The following SYNC variants were observed in gnomAD, a reference collection of about 807,000 sequenced individuals.
The protein encoded by SYNC is syncoilin, intermediate filament protein, also known as syncoilin.
SYNC carries 38 observed loss-of-function variants against 49.5 expected under a neutral mutation model. The ratio of observed to expected loss-of-function variants is 0.77; its 90% CI spans 0.59 to 1.01. SYNC has a LOEUF of 1.01. Among genes scored for constraint, SYNC ranks in the 50% least tolerant of loss-of-function variants. The pLI, the probability that SYNC is intolerant of heterozygous loss-of-function variation, is 0.00. For missense variants in SYNC, 579 were observed against 580.6 expected (o/e 1.00, Z 0.03); for synonymous variants, 201 against 230.8 (o/e 0.87, Z 1.17).
intron 2 of SYNC, among the ~76,000 whole-genome samples, chr1:32,686,642 G>A (rs988231727): frequency 6.6e-6 from 1 of 152,182 alleles, no homozygotes; most frequent in African/African-American, 2.4e-5. Context: ...TAAAGGATGA[G>A]TAAAGAGTTA....
chr1:32,688,674 C>T (rs1409593154), intron 2 of SYNC, among the ~76,000 whole-genome samples: 1 of 150,562 alleles, frequency 6.6e-6, no homozygotes, highest in Admixed American at 6.6e-5. Context: ...TCAACCTCCA[C>T]CTTGCGGGTT....
Position 32,684,288 on chromosome 1 carries a change from A to G in SYNC, c.1328T>C (p.Leu443Pro), listed in dbSNP as rs777005023. The G allele has an allele frequency of 5.0e-6, 8 of 1,614,190 alleles. No homozygotes were observed. In the South Asian group the frequency reaches 8.8e-5, roughly 18 times the overall value. Reference sequence around the variant, plus strand: ...AGTAGAGAGCTCTTCAGCAAGACTGAGCCTTAGCTGTTCCATCTCTTTGTT... The same window carrying G: ...AGTAGAGAGCTCTTCAGCAAGACTGGGCCTTAGCTGTTCCATCTCTTTGTT... ...QKNKEMEQLR[L>P]SLAEELSTYK... Residue 443 changes from leucine to proline, a missense_variant, in exon 3 of 5, where the codon CTC becomes CCC. Transcript: ENST00000409190.
chr1:32,703,126 C>G (rs1650735781), upstream of SYNC: 1 of 152,156 alleles, frequency 6.6e-6, no homozygotes, highest in Non-Finnish European at 1.5e-5. Flanking sequence ...TCCGCTGCCG[C>G]TCAGCGCCCT....
chr1:32,681,559 AG>A lies in SYNC; in HGVS notation c.*290del, dbSNP rs1649437875. ...TCATCCTTCACTCAGTGCATATGTGAGGGTTGTTGCTGGAAGACAGGAGGCT... is the reference window on the plus strand; with the variant it reads ...TCATCCTTCACTCAGTGCATATGTGAGGTTGTTGCTGGAAGACAGGAGGCT... On this transcript the variant is annotated 3_prime_UTR_variant, in exon 5 of 5. Coordinates refer to ENST00000409190, the MANE Select transcript of SYNC (RefSeq NM_030786.3). 5 of 544,444 alleles carry A rather than the reference AG, an allele frequency of 9.2e-6. No individual in the cohort carries two copies. Among genetic ancestry groups the A allele is most frequent in the South Asian group, 9.0e-5 (4 of 44,420 alleles). The allele number at this position is 544,444 out of a possible 1,614,324, so 33.7% of individuals were successfully genotyped here.
rs1649630646 is a variant in SYNC, at chr1:32,683,998, C to T, written c.1438+12G>A. 1.2e-6 allele frequency: 2 copies of T among 1,612,390 alleles called. No individual in the cohort carries two copies. Among genetic ancestry groups the T allele is most frequent in the African/African-American group, 1.3e-5 (1 of 74,888 alleles). ...ACAATGCAAACACCACTCTTCTCTTCACAAAGATCACCTTGAGACTGTGTC... is the reference window on the plus strand; with the variant it reads ...ACAATGCAAACACCACTCTTCTCTTTACAAAGATCACCTTGAGACTGTGTC... On this transcript the variant is annotated intron_variant, in intron 4 of 4. Coordinates refer to ENST00000409190, the MANE Select transcript of SYNC (RefSeq NM_030786.3).
Position 32,702,484 on chromosome 1 carries a change from C to G in SYNC, c.53+124G>C. On this transcript the variant is annotated intron_variant, in intron 1 of 4. Coordinates refer to ENST00000409190, the MANE Select transcript of SYNC (RefSeq NM_030786.3). This position sits in a 1 kb window ranked among gnomAD's most constrained non-coding sequence, Gnocchi z 6.2. ...TCCCCTCACGAGGCGGCTCCAGTGC[C>G]CCACCCCGGCTGGACCACTACCCCT... is the stretch of plus-strand genomic sequence containing the variant. 1.0e-6 allele frequency: 1 copy of G among 961,978 alleles called. No individual in the cohort carries two copies. The highest frequency in any genetic ancestry group is 1.3e-6 in the Non-Finnish European group (1 of 761,264). The allele number at this position is 961,978 out of a possible 1,614,324, so 59.6% of individuals were successfully genotyped here. A position where few individuals can be genotyped will look rare whatever the true frequency, so the allele number is the denominator to read the frequency against.
At chr1:32,683,654 G>A (rs2148542690) in intron 4 of SYNC, 1 of 166,834 alleles carries the variant, frequency 6.0e-6, no homozygotes, top group African/African-American at 2.4e-5. Context: ...GTTTTGTTTT[G>A]AGGCAGTCTC....
At chr1:32,698,380 G>A (rs183717478) in intron 1 of SYNC, among the ~76,000 whole-genome samples, 27 of 151,942 alleles carry the variant, frequency 1.8e-4, no homozygotes, top group African/African-American at 5.3e-4. Flanking sequence ...TTAGCCAGGC[G>A]TGGTGGCGGG....
At chr1:32,685,740 A>G (rs532928202) in intron 2 of SYNC, 1 of 152,342 alleles carries the variant, frequency 6.6e-6, no homozygotes, top group East Asian at 1.9e-4. Flanking sequence ...TTGGTAAGGT[A>G]CAAAAGTACA....
Position 32,702,586 on chromosome 1 carries a change from C to G in SYNC, c.53+22G>C. 9.2e-6 allele frequency: 11 copies of G among 1,200,526 alleles called. No homozygotes were observed. The highest frequency in any genetic ancestry group is 1.1e-5 in the Non-Finnish European group (11 of 968,568). 74.4% of individuals were successfully genotyped at this position (1,200,526 alleles called of 1,614,324 possible). A position where few individuals can be genotyped will look rare whatever the true frequency, so the allele number is the denominator to read the frequency against. On this transcript the variant is annotated intron_variant, in intron 1 of 4. Transcript: ENST00000409190. The surrounding 1 kb of genome is among the most constrained non-coding windows in gnomAD (Gnocchi z 6.2). ...CACCCCTTCCCCAGCGGGGCGGCGA[C>G]GCGGGCCCGGCACTGTCCTACCTCG...
At chr1:32,689,593 T>TA (rs1226779487) in intron 2 of SYNC, among the ~76,000 whole-genome samples, 2 of 152,020 alleles carry the variant, frequency 1.3e-5, no homozygotes, top group Non-Finnish European at 2.9e-5. Context: ...AAGGTGATGA[T>TA]AGAGGCAACG....
chr1:32,687,696 G>C lies in SYNC; in HGVS notation c.1234-3314C>G, dbSNP rs150423088. ...AAAAAAAAAAAGAAAAAAATGTTTA[G>C]TCCCAGCTGGATCTAGTTAACATTC... is the stretch of plus-strand genomic sequence containing the variant. On this transcript the variant is annotated intron_variant, in intron 2 of 4. Transcript: ENST00000409190. 5.5e-3 allele frequency among the ~76,000 whole-genome samples: 833 copies of C among 150,912 alleles called. 5 individuals carry two copies. Among genetic ancestry groups the C allele is most frequent in the Middle Eastern group, 0.027 (8 of 292 alleles).
intron 1 of SYNC, among the ~76,000 whole-genome samples, chr1:32,698,916 G>C (rs1362663888): frequency 6.6e-6 from 1 of 151,552 alleles, no homozygotes; most frequent in African/African-American, 2.4e-5. Flanking sequence ...GGGTAGCCAG[G>C]ACTACAGGCA....
chr1:32,695,272 C>A lies in SYNC; in HGVS notation c.826G>T (p.Val276Leu). 6.4e-7 allele frequency: 1 copy of A among 1,551,822 alleles called. No individual in the cohort carries two copies. The highest frequency in any genetic ancestry group is 2.4e-5 in the East Asian group (1 of 40,872). ...AGCTGGGTTGCCCTTGTAGTCAGCA[C>A]TTCCCGGAAATCGGCAAACTGAGCC... ...DVAQFADFRE[V>L]LTTRATQLSE... Residue 276 changes from valine to leucine, a missense_variant, in exon 2 of 5, where the codon GTG (valine) becomes TTG (leucine). Physicochemically the swap from Val to Leu is conservative, Grantham distance 32. Transcript: ENST00000409190.
At chr1:32,693,603 T>A (rs1650269243) in intron 2 of SYNC, among the ~76,000 whole-genome samples, 1 of 152,340 alleles carries the variant, frequency 6.6e-6, no homozygotes, top group East Asian at 1.9e-4. Flanking sequence ...CAGCAGCACA[T>A]GTGCTCTGAG....
chr1:32,680,347 T>TTG lies in SYNC; in HGVS notation c.*1502_*1503insCA, dbSNP rs1553197332. 69 of 1,210,728 alleles carry TTG rather than the reference T, an allele frequency of 5.7e-5. No homozygotes were observed. Among genetic ancestry groups the TTG allele is most frequent in the African/African-American group, 1.5e-4 (9 of 58,250 alleles). 75.0% of individuals were successfully genotyped at this position (1,210,728 alleles called of 1,614,324 possible). ...CTGTCTGTGAAATGGTGTTTTTTTT[T>TTG]TTGTTGTTGGTTTTTTTTTTTTTTT... On this transcript the variant is annotated 3_prime_UTR_variant, in exon 5 of 5. Transcript: ENST00000409190.
rs996038427 is a variant in SYNC at position 32,695,260 on chromosome 1, T to C, written c.838A>G (p.Arg280Gly). 1 of 1,551,910 alleles carries C rather than the reference T, an allele frequency of 6.4e-7. No homozygotes were observed. Among genetic ancestry groups the C allele is most frequent in the Non-Finnish European group, 8.7e-7 (1 of 1,147,144 alleles). ...FADFREVLTT[R>G]ATQLSEELAQ... is the part of the protein sequence containing the mutation. The stretch of plus-strand genomic sequence containing the variant: ...AGTTCCTCTGAGAGCTGGGTTGCCC[T>C]TGTAGTCAGCACTTCCCGGAAATCG... The change falls in exon 2 of 5, where the codon AGG becomes GGG. Residue 280 changes from arginine (R) to glycine (G), a missense_variant. Coordinates refer to ENST00000409190, the MANE Select transcript of SYNC (RefSeq NM_030786.3).
intron 2 of SYNC, among the ~76,000 whole-genome samples, chr1:32,686,678 G>A (rs560990765): frequency 1.3e-5 from 2 of 152,296 alleles, no homozygotes; most frequent in Admixed American, 6.5e-5. Flanking sequence ...TCTAATCAAT[G>A]TATAGTCATG....
At chr1:32,696,908 C>T (rs1401389786) in intron 1 of SYNC, among the ~76,000 whole-genome samples, 1 of 151,680 alleles carries the variant, frequency 6.6e-6, no homozygotes, top group African/African-American at 2.4e-5. Flanking sequence ...CCATCACACT[C>T]AGCTGATTTT....
Sources: allele counts gnomAD v4.1 joint callset (sites outside exome capture counted in the v4.1 genomes callset), GRCh38; gene constraint gnomAD v4.1.1; non-coding constraint Gnocchi (gnomAD v3.1); transcripts MANE v1.5; gene names NCBI Gene and HGNC (gene_info 2026-07-23, HGNC 2026-07-21).